Variants in ZNF385D observed in about 807,000 individuals in gnomAD.
The protein encoded by ZNF385D is zinc finger protein 385D, also known as zinc finger protein 659.
ZNF385D carries 15 observed loss-of-function variants against 35.8 expected under a neutral mutation model. The observed-to-expected ratio is 0.42, with a 90% CI of 0.28 to 0.64. ZNF385D has a LOEUF of 0.64. Ranked by LOEUF, ZNF385D falls within the 30% of genes least tolerant of loss-of-function variation. The probability of loss-of-function intolerance (pLI) is 0.23; values close to 1 mark genes in which losing one functional copy is unlikely to be tolerated. For missense variants in ZNF385D, 474 were observed against 494.6 expected (o/e 0.96, Z 0.39); for synonymous variants, 212 against 186.8 (o/e 1.13, Z -1.10).
At chr3:22,140,761 A>C (rs1383199371) in intron 3 of ZNF385D, among the ~76,000 whole-genome samples, 3 of 152,214 alleles carry the variant, frequency 2.0e-5, no homozygotes, top group Admixed American at 6.5e-5. Flanking sequence ...TTTGTGGGAA[A>C]ATTTGAATCA....
At chr3:21,675,837 T>C (rs987871617) in intron 1 of ZNF385D, among the ~76,000 whole-genome samples, 4 of 152,096 alleles carry the variant, frequency 2.6e-5, no homozygotes, top group Non-Finnish European at 4.4e-5. Context: ...TCTTTTTGTA[T>C]CAACTCATTA....
At chr3:21,770,229 T>C (rs2071018018) in intron 3 of ZNF385D, among the ~76,000 whole-genome samples, 1 of 152,018 alleles carries the variant, frequency 6.6e-6, no homozygotes, top group African/African-American at 2.4e-5. Flanking sequence ...AAGCCAAAAA[T>C]TGACAAATGG....
chr3:21,765,877 CA>C (rs2070809406), intron 3 of ZNF385D, among the ~76,000 whole-genome samples: 1 of 152,060 alleles, frequency 6.6e-6, no homozygotes, highest in Non-Finnish European at 1.5e-5. Flanking sequence ...TTCCCTGTGG[CA>C]ACTTTAATAT....
intron 3 of ZNF385D, among the ~76,000 whole-genome samples, chr3:21,977,233 C>G (rs999440459): frequency 1.7e-4 from 26 of 152,146 alleles, no homozygotes; most frequent in Admixed American, 1.2e-3. Flanking sequence ...TAATGGTAGT[C>G]ACACAGATAT....
At chr3:22,202,259 G>A (rs913816064) in intron 2 of ZNF385D, among the ~76,000 whole-genome samples, 2 of 152,022 alleles carry the variant, frequency 1.3e-5, no homozygotes, top group Admixed American at 6.6e-5. Flanking sequence ...ATTTGTTTCT[G>A]GCATCTGTTA....
chr3:22,116,692 A>T (rs1266972866), intron 3 of ZNF385D, among the ~76,000 whole-genome samples: 1 of 152,084 alleles, frequency 6.6e-6, no homozygotes, highest in South Asian at 2.1e-4. Flanking sequence ...ATCAGATAAA[A>T]CCAAAATTTG....
rs557846242 is a variant in ZNF385D, at chr3:22,146,209, T to C, written c.325+22608A>G. ...AGTAGCAAAGTTTCATTTGTACTTA[T>C]AGGATTTCACCTCACAGTTCTACAT... On this transcript the variant is annotated intron_variant, in intron 3 of 5. Transcript: ENST00000494108. 5.3e-5 allele frequency among the ~76,000 whole-genome samples: 8 copies of C among 152,354 alleles called. No homozygotes were observed. In the South Asian group the frequency reaches 6.2e-4, roughly 12 times the overall value.
intron 3 of ZNF385D, among the ~76,000 whole-genome samples, chr3:21,898,804 G>A (rs879928677): frequency 1.3e-5 from 2 of 152,044 alleles, no homozygotes; most frequent in Non-Finnish European, 1.5e-5. Flanking sequence ...AGGCTACCAC[G>A]ACTCTCAGCA....
chr3:22,088,487 A>C (rs1701159287), intron 3 of ZNF385D, among the ~76,000 whole-genome samples: 1 of 152,156 alleles, frequency 6.6e-6, no homozygotes, highest in Admixed American at 6.5e-5. Context: ...TGTATGGATG[A>C]ATCTGAGGCC....
At chr3:21,978,890 AC>A in intron 3 of ZNF385D, among the ~76,000 whole-genome samples, 1 of 152,224 alleles carries the variant, frequency 6.6e-6, no homozygotes, top group Admixed American at 6.5e-5. Context: ...AAAAAAATTT[AC>A]TTTTCCCAAG....
At chr3:22,150,847 A>G (rs1045541680) in intron 3 of ZNF385D, among the ~76,000 whole-genome samples, 2 of 152,074 alleles carry the variant, frequency 1.3e-5, no homozygotes, top group Non-Finnish European at 2.9e-5. Flanking sequence ...AGTGCATATA[A>G]GGGTGGGTTC....
chr3:22,302,232 A>G (rs1702940471), intron 2 of ZNF385D, among the ~76,000 whole-genome samples: 1 of 152,034 alleles, frequency 6.6e-6, no homozygotes, highest in Admixed American at 6.6e-5. Context: ...GCTAACCACC[A>G]GCTACCTAGG....
intron 1 of ZNF385D, among the ~76,000 whole-genome samples, chr3:21,678,104 C>T (rs2066784230): frequency 1.3e-5 from 2 of 152,042 alleles, no homozygotes; most frequent in South Asian, 4.1e-4. Context: ...CACAAACCCT[C>T]AACATTAGGG....
intron 3 of ZNF385D, among the ~76,000 whole-genome samples, chr3:21,812,430 G>A (rs1394547447): frequency 1.3e-5 from 2 of 152,372 alleles, no homozygotes; most frequent in African/African-American, 2.4e-5. Context: ...AGAGGTTGGG[G>A]AATTCCCTTT....
At chr3:22,233,764 AC>A (rs1299331183) in intron 2 of ZNF385D, among the ~76,000 whole-genome samples, 1 of 151,950 alleles carries the variant, frequency 6.6e-6, no homozygotes, top group Non-Finnish European at 1.5e-5. Context: ...TGGTTTAATT[AC>A]CCACCTACTT....
In ZNF385D at chr3:21,646,729, G is replaced by C. The variant is rs930941910; in HGVS notation, c.165+18157C>G. Among the ~76,000 whole-genome samples the C allele has an allele frequency of 6.6e-6, 1 of 152,180 alleles. No individual in the cohort carries two copies. The highest frequency in any genetic ancestry group is 1.5e-5 in the Non-Finnish European group (1 of 68,034). On this transcript the variant is annotated intron_variant, in intron 2 of 7. Transcript: ENST00000281523. The surrounding 1 kb of genome is among the most constrained non-coding windows in gnomAD (Gnocchi z 4.3). ...TCAGAGGCCTGTACAGACCCTTCCA[G>C]TTACTTTCCTTCCTTATATCATCTG...
At chr3:22,135,376 A>T (rs1354410457) in intron 3 of ZNF385D, among the ~76,000 whole-genome samples, 2 of 152,106 alleles carry the variant, frequency 1.3e-5, no homozygotes, top group Non-Finnish European at 2.9e-5. Context: ...TACAAGCAAT[A>T]ATAATTGAAA....
rs77264645 is a variant in ZNF385D at position 21,963,713 on chromosome 3, A to T, written c.325+205104T>A. ...AGACCTCTTTATATTAGATTGGTGC[A>T]AAAGTAATTGTGATAACCTAATAAT... On this transcript the variant is annotated intron_variant, in intron 3 of 5. Coordinates refer to the ZNF385D transcript ENST00000494108. Among the ~76,000 whole-genome samples, 38 of 152,312 alleles carry T rather than the reference A, an allele frequency of 2.5e-4. No individual in the cohort carries two copies. The East Asian group carries it at 6.9e-3, about 28-fold the overall frequency.
intron 3 of ZNF385D, among the ~76,000 whole-genome samples, chr3:22,158,784 A>C (rs1325623935): frequency 8.1e-6 from 1 of 122,904 alleles, no homozygotes; most frequent in African/African-American, 3.1e-5. Flanking sequence ...ATCTATAGAA[A>C]CTAGAAGCCA....
Sources: gnomAD v4.1 joint callset for allele counts (sites outside exome capture counted in the v4.1 genomes callset) on GRCh38, gnomAD v4.1.1 for gene constraint, Gnocchi (gnomAD v3.1) non-coding constraint, MANE v1.5 for transcripts, NCBI Gene and HGNC (gene_info 2026-07-23, HGNC 2026-07-21) for gene names.